MCTP1: variants seen among roughly 807,000 people sequenced by gnomAD.
The protein encoded by MCTP1 is multiple C2 and transmembrane domain-containing protein 1.
A neutral mutation model predicts 120.6 loss-of-function variants in MCTP1; 69 were observed. That is an observed-to-expected ratio of 0.57 (90% confidence interval 0.47 to 0.70). MCTP1 has a LOEUF of 0.70. Among genes scored for constraint, MCTP1 ranks in the 30% least tolerant of loss-of-function variants. MCTP1 has a pLI of 0.00. For missense variants in MCTP1, 1,203 were observed against 1,248.8 expected (o/e 0.96, Z 0.55); for synonymous variants, 529 against 493.1 (o/e 1.07, Z -0.96).
intron 1 of MCTP1, among the ~76,000 whole-genome samples, chr5:95,027,903 G>A (rs142970248): frequency 5.3e-5 from 8 of 152,318 alleles, no homozygotes; most frequent in South Asian, 2.1e-4. Context: ...ATCCATGAGT[G>A]TCAGAATACA....
chr5:95,234,272 G>C (rs2152659635), intron 1 of MCTP1, among the ~76,000 whole-genome samples: 1 of 152,334 alleles, frequency 6.6e-6, no homozygotes, highest in East Asian at 1.9e-4. Context: ...AGATATTTCA[G>C]AGGTTGTAAA....
intron 1 of MCTP1, among the ~76,000 whole-genome samples, chr5:95,160,578 C>T (rs978071663): frequency 7.2e-5 from 11 of 151,952 alleles, no homozygotes; most frequent in African/African-American, 2.7e-4. Context: ...CCCAAAAGTA[C>T]AGCAACAAAA....
chr5:94,821,214 T>C (rs1785572631), intron 17 of MCTP1, among the ~76,000 whole-genome samples: 1 of 152,218 alleles, frequency 6.6e-6, no homozygotes, highest in African/African-American at 2.4e-5. Context: ...TATTTAACTC[T>C]GGAGATTTTG....
chr5:94,954,405 G>T (rs974844110), intron 2 of MCTP1, among the ~76,000 whole-genome samples: 1 of 151,522 alleles, frequency 6.6e-6, no homozygotes, highest in Non-Finnish European at 1.5e-5. Flanking sequence ...GATTCCAAAA[G>T]GTAGGAGGAT....
At chr5:94,932,055 GTT>G in intron 5 of MCTP1, 64 bp from the exon 6 acceptor site, 1 of 1,129,640 alleles carries the variant, frequency 8.9e-7, no homozygotes. Flanking sequence ...GCAGCCAGTT[GTT>G]TTTTAGCGGA....
At chr5:95,256,311 C>T (rs530849777) in intron 1 of MCTP1, among the ~76,000 whole-genome samples, 4 of 152,302 alleles carry the variant, frequency 2.6e-5, no homozygotes, top group East Asian at 1.9e-4. Flanking sequence ...TACCTGGAAG[C>T]GGGGCATGGC....
chr5:95,017,457 TACTG>T lies in MCTP1; in HGVS notation c.744_747del (p.Ser249MetfsTer18), dbSNP rs1184166792. Reference sequence around the variant, plus strand: ...GGATCAGCCAAGGGGACTTCTGCATTACTGGTTCCAGCAGTGTTTATTATTTTCT... The same window carrying T: ...GGATCAGCCAAGGGGACTTCTGCATTGTTCCAGCAGTGTTTATTATTTTCT... On this transcript the variant is annotated frameshift_variant, in exon 2 of 23. Coordinates refer to ENST00000515393, the MANE Select transcript of MCTP1 (RefSeq NM_024717.7). LOFTEE classifies it high-confidence loss of function. 1 of 1,608,866 alleles carries T rather than the reference TACTG, an allele frequency of 6.2e-7. No homozygotes were observed. Among genetic ancestry groups the T allele is most frequent in the African/African-American group, 1.3e-5 (1 of 74,866 alleles).
chr5:94,866,462 T>C (rs27003), intron 17 of MCTP1, among the ~76,000 whole-genome samples: 94,887 of 151,270 alleles, frequency 0.63, 30,450 homozygotes, highest in Middle Eastern at 0.7. Context: ...ACTCTTACTC[T>C]GTTTTCACAT....
intron 1 of MCTP1, among the ~76,000 whole-genome samples, chr5:95,121,015 A>G (rs567394682): frequency 3.0e-4 from 46 of 152,270 alleles, no homozygotes; most frequent in African/African-American, 1.1e-3. Flanking sequence ...GCGGTGGCTC[A>G]TGCCTGTAAT....
chr5:95,232,457 ATTTT>A (rs535038549), intron 1 of MCTP1, among the ~76,000 whole-genome samples: 2 of 137,868 alleles, frequency 1.5e-5, no homozygotes, highest in African/African-American at 5.4e-5. Context: ...ATGAAATTTA[ATTTT>A]TTTTTTTTTT....
chr5:95,213,516 G>T (rs34231173), intron 1 of MCTP1, among the ~76,000 whole-genome samples: 73,730 of 143,294 alleles, frequency 0.51, 18,335 homozygotes, highest in Middle Eastern at 0.6. Flanking sequence ...AAAACTACTT[G>T]AAAGTTCATA....
At chr5:94,905,583 C>T (rs888753204) in intron 10 of MCTP1, among the ~76,000 whole-genome samples, 20 of 152,046 alleles carry the variant, frequency 1.3e-4, no homozygotes, top group African/African-American at 4.8e-4. Context: ...TATCAGGTTG[C>T]TGATTGATTT....
chr5:94,984,959 A>C (rs538581303), intron 2 of MCTP1, among the ~76,000 whole-genome samples: 1 of 152,320 alleles, frequency 6.6e-6, no homozygotes. Flanking sequence ...CCAATTTAAT[A>C]TGAGTTCTGA....
intron 19 of MCTP1, among the ~76,000 whole-genome samples, chr5:94,775,892 C>G (rs190114377): frequency 6.7e-6 from 1 of 148,934 alleles, no homozygotes; most frequent in East Asian, 2.0e-4. Context: ...TAATGATTAG[C>G]TCTTTGAATA....
chr5:94,928,180 C>G (rs1282006595), intron 6 of MCTP1, among the ~76,000 whole-genome samples: 1 of 148,264 alleles, frequency 6.7e-6, no homozygotes, highest in Non-Finnish European at 1.5e-5. Context: ...TCACCTTTAC[C>G]CATTGGTAAA....
chr5:95,032,253 C>T (rs1231355511), intron 1 of MCTP1, among the ~76,000 whole-genome samples: 1 of 152,080 alleles, frequency 6.6e-6, no homozygotes, highest in African/African-American at 2.4e-5. Context: ...TACCAGACAT[C>T]TACAGAATAA....
chr5:95,284,555 C>T lies in MCTP1; in HGVS notation c.21G>A (p.Ala7=). ...CCGCCGGCGGCTCTGGCTCGCCCGC[C>T]GCGGCAGCCCGGGGCTCCATCCTCC... is the stretch of plus-strand genomic sequence containing the variant. The part of the protein sequence containing the change: MEPRAA[A]AGEPEPPAAS... Residue 7 remains alanine (A), a synonymous_variant, in exon 1 of 23, where the codon GCG becomes GCA. Transcript: ENST00000515393. The surrounding 1 kb of genome is among the most constrained non-coding windows in gnomAD (Gnocchi z 5.2). 6.9e-7 allele frequency: 1 copy of T among 1,447,510 alleles called. No individual in the cohort carries two copies. Among genetic ancestry groups the T allele is most frequent in the Non-Finnish European group, 9.0e-7 (1 of 1,112,522 alleles). The allele number at this position is 1,447,510 out of a possible 1,614,324, so 89.7% of individuals were successfully genotyped here. A position where few individuals can be genotyped will look rare whatever the true frequency, so the allele number is the denominator to read the frequency against.
At chr5:95,013,030 A>T (rs1383925691) in intron 2 of MCTP1, among the ~76,000 whole-genome samples, 2 of 152,212 alleles carry the variant, frequency 1.3e-5, no homozygotes, top group African/African-American at 4.8e-5. Flanking sequence ...CTAGAAGGGC[A>T]TTTAAAACAC....
chr5:95,146,363 A>G (rs1372708821), intron 1 of MCTP1, among the ~76,000 whole-genome samples: 1 of 152,070 alleles, frequency 6.6e-6, no homozygotes, highest in African/African-American at 2.4e-5. Context: ...ATTTTGTAGT[A>G]ACTTTTGCAT....
Sources: gnomAD v4.1 joint callset for allele counts (sites outside exome capture counted in the v4.1 genomes callset) on GRCh38, gnomAD v4.1.1 for gene constraint, Gnocchi (gnomAD v3.1) non-coding constraint, MANE v1.5 for transcripts, NCBI Gene and HGNC (gene_info 2026-07-23, HGNC 2026-07-21) for gene names.